The following PARD3 variants were observed in gnomAD, a reference collection of about 807,000 sequenced individuals.
PARD3 encodes par-3 family cell polarity regulator.
PARD3 carries 75 observed loss-of-function variants against 155.4 expected under a neutral mutation model. That is an observed-to-expected ratio of 0.48 (90% confidence interval 0.40 to 0.58). The LOEUF (loss-of-function observed/expected upper bound fraction) is 0.58. Ranked by LOEUF, PARD3 falls within the 20% of genes least tolerant of loss-of-function variation. The probability of loss-of-function intolerance (pLI) is 0.00; values close to 1 mark genes in which losing one functional copy is unlikely to be tolerated. For missense variants in PARD3, 1,642 were observed against 1,721.7 expected (o/e 0.95, Z 0.82); for synonymous variants, 576 against 610.5 (o/e 0.94, Z 0.83).
chr10:34,486,236 T>C (rs747980962), intron 3 of PARD3, among the ~76,000 whole-genome samples: 1 of 152,166 alleles, frequency 6.6e-6, no homozygotes, highest in African/African-American at 2.4e-5. Context: ...TGGTCAGTAA[T>C]ACCTGAATTC....
In PARD3 at chr10:34,555,293, C is replaced by CT. The variant is rs200960072; in HGVS notation, c.223-38135dup. Among the ~76,000 whole-genome samples the CT allele has an allele frequency of 3.8e-3, 583 of 151,978 alleles. 2 individuals carry two copies. Among genetic ancestry groups the CT allele is most frequent in the African/African-American group, 0.013 (529 of 41,472 alleles). On this transcript the variant is annotated intron_variant, in intron 2 of 24. Transcript: ENST00000374788. The stretch of plus-strand genomic sequence containing the variant: ...TAACATTGCTCTAAAAAATAAAGTC[C>CT]TTTTTTTTAAGGCCCTTTGAATGTT...
chr10:34,514,039 C>T (rs4934638), intron 3 of PARD3, among the ~76,000 whole-genome samples: 38,010 of 152,096 alleles, frequency 0.25, 5,028 homozygotes, highest in East Asian at 0.41. Flanking sequence ...TCTAGGGAAA[C>T]ATAAAAAGAC....
chr10:34,423,934 A>G (rs554389012), intron 5 of PARD3, among the ~76,000 whole-genome samples: 65 of 152,330 alleles, frequency 4.3e-4, no homozygotes, highest in African/African-American at 1.5e-3. Flanking sequence ...AGAAATCATG[A>G]AACTCTGGTC....
In PARD3 at chr10:34,553,140, A is replaced by C. The variant is rs184752646; in HGVS notation, c.223-35981T>G. ...GGAGGTTAATCGCCATCGATCCACC[A>C]AGCCTGGGAAATAGTCTCCTCCATG... On this transcript the variant is annotated intron_variant, in intron 2 of 24. Coordinates refer to ENST00000374788, the MANE Select transcript of PARD3 (RefSeq NM_001184785.2). Among the ~76,000 whole-genome samples the C allele has an allele frequency of 3.9e-5, 6 of 152,290 alleles. No individual in the cohort carries two copies. The East Asian group carries it at 1.2e-3, about 29-fold the overall frequency.
intron 8 of PARD3, 106 bp from the exon 9 acceptor site, chr10:34,383,028 G>A: frequency 4.6e-6 from 6 of 1,291,226 alleles, no homozygotes; most frequent in Non-Finnish European, 6.5e-6. Context: ...CTGACAGGCT[G>A]TTGAAATTGA....
chr10:34,460,858 A>G (rs556968989), intron 4 of PARD3, among the ~76,000 whole-genome samples: 2 of 152,248 alleles, frequency 1.3e-5, no homozygotes, highest in South Asian at 2.1e-4. Context: ...AAATAAAAAT[A>G]AAATGGGTAC....
At chr10:34,484,492 T>G (rs969928350) in intron 3 of PARD3, among the ~76,000 whole-genome samples, 3 of 152,226 alleles carry the variant, frequency 2.0e-5, no homozygotes, top group Admixed American at 1.3e-4. Flanking sequence ...TCATTGCTCC[T>G]CTCGAGTACT....
intron 5 of PARD3, among the ~76,000 whole-genome samples, chr10:34,430,709 T>G (rs1247897834): frequency 6.6e-6 from 1 of 152,214 alleles, no homozygotes; most frequent in African/African-American, 2.4e-5. Context: ...GTCAAGACCA[T>G]AAGCTGTCCG....
intron 22 of PARD3, among the ~76,000 whole-genome samples, chr10:34,144,763 A>C (rs1948373370): frequency 6.6e-6 from 1 of 152,116 alleles, no homozygotes; most frequent in Admixed American, 6.6e-5. Context: ...TTATAGCAAA[A>C]TTTATATGAA....
intron 2 of PARD3, among the ~76,000 whole-genome samples, chr10:34,628,366 G>A (rs987214154): frequency 6.6e-5 from 10 of 152,162 alleles, no homozygotes; most frequent in South Asian, 6.2e-4. Flanking sequence ...TCTCTAATAC[G>A]TCCATTCAGT....
intron 22 of PARD3, among the ~76,000 whole-genome samples, chr10:34,161,572 C>T (rs545264436): frequency 2.6e-5 from 4 of 152,270 alleles, no homozygotes; most frequent in African/African-American, 9.6e-5. Context: ...TGAAGAACCT[C>T]TAACTTCATT....
At chr10:34,353,219 C>A (rs1012979582) in intron 14 of PARD3, among the ~76,000 whole-genome samples, 3 of 152,178 alleles carry the variant, frequency 2.0e-5, no homozygotes, top group African/African-American at 7.2e-5. Context: ...GGGAGGTGGA[C>A]CCAACAGCTC....
intron 22 of PARD3, among the ~76,000 whole-genome samples, chr10:34,160,730 C>A (rs1949234475): frequency 6.6e-6 from 1 of 152,172 alleles, no homozygotes; most frequent in African/African-American, 2.4e-5. Context: ...CATCCCCAGA[C>A]TTCTTACCAA....
At chr10:34,393,544 C>T (rs976696427) in intron 7 of PARD3, among the ~76,000 whole-genome samples, 1 of 151,066 alleles carries the variant, frequency 6.6e-6, no homozygotes, top group Admixed American at 6.6e-5. Context: ...CTCTCCAGCC[C>T]GGGCAACAGA....
intron 2 of PARD3, among the ~76,000 whole-genome samples, chr10:34,558,833 G>A (rs1156897522): frequency 1.3e-5 from 2 of 152,186 alleles, no homozygotes; most frequent in Non-Finnish European, 2.9e-5. Context: ...TGTAATGCCA[G>A]CTACTCAGGA....
At chr10:34,178,448 T>C (rs1382870193) in intron 22 of PARD3, among the ~76,000 whole-genome samples, 2 of 152,196 alleles carry the variant, frequency 1.3e-5, no homozygotes, top group African/African-American at 4.8e-5. Flanking sequence ...GGCAAGATAA[T>C]GACTTTAAAT....
At chr10:34,378,934 T>C (rs1351198963) in intron 9 of PARD3, among the ~76,000 whole-genome samples, 7 of 152,196 alleles carry the variant, frequency 4.6e-5, no homozygotes, top group African/African-American at 1.4e-4. Flanking sequence ...AGTGTTTATA[T>C]GTCACTAGAA....
intron 2 of PARD3, among the ~76,000 whole-genome samples, chr10:34,550,189 G>A (rs757331491): frequency 2.6e-5 from 4 of 152,162 alleles, no homozygotes; most frequent in African/African-American, 9.7e-5. Flanking sequence ...GTCCTTGCAC[G>A]TCACCACAGA....
Position 34,516,964 on chromosome 10 carries a change from A to C in PARD3, c.403+15T>G. On this transcript the variant is annotated intron_variant, in intron 3 of 24. Transcript: ENST00000374788. ...ATTAAGATGAAATGGAAGAGAAGAAAGAGCTTTCACTTACTTGCTCGAAGG... is the reference window on the plus strand; with the variant it reads ...ATTAAGATGAAATGGAAGAGAAGAACGAGCTTTCACTTACTTGCTCGAAGG... The C allele has an allele frequency of 6.2e-7, 1 of 1,609,876 alleles. No individual in the cohort carries two copies. The highest frequency in any genetic ancestry group is 8.5e-7 in the Non-Finnish European group (1 of 1,176,520).
Sources: allele counts gnomAD v4.1 joint callset (sites outside exome capture counted in the v4.1 genomes callset), GRCh38; gene constraint gnomAD v4.1.1; transcripts MANE v1.5; gene names NCBI Gene and HGNC (gene_info 2026-07-23, HGNC 2026-07-21).